The following WNT2B variants were observed in gnomAD, a reference collection of about 807,000 sequenced individuals.
The protein encoded by WNT2B is protein Wnt-2b.
A neutral mutation model predicts 40.5 loss-of-function variants in WNT2B; 19 were observed. That is an observed-to-expected ratio of 0.47 (90% CI 0.33 to 0.69). The LOEUF is 0.69. Among genes scored for constraint, WNT2B ranks in the 30% least tolerant of loss-of-function variants. WNT2B has a pLI of 0.02. For synonymous variants in WNT2B, 220 were observed against 211.9 expected (o/e 1.04, Z -0.33); for missense variants, 467 against 556.4 (o/e 0.84, Z 1.62).
intron 1 of WNT2B, among the ~76,000 whole-genome samples, chr1:112,493,022 G>A (rs982085118): frequency 1.3e-5 from 2 of 152,154 alleles, no homozygotes; most frequent in African/African-American, 4.8e-5. Context: ...ATGCAAAGAA[G>A]ACAGTTTGAA....
At position 112,516,174 on chromosome 1, in the gene WNT2B, A is replaced by G; in HGVS notation, c.438A>G (p.Ser146=). ...SREAAFVYAI[S]SAGVVHAITR... is the part of the protein sequence containing the mutation. Reference sequence around the variant, plus strand: ...AGGCAGCTTTTGTATATGCCATCTCATCAGCAGGGGTAGTCCACGCTATTA... The same window carrying G: ...AGGCAGCTTTTGTATATGCCATCTCGTCAGCAGGGGTAGTCCACGCTATTA... The change falls in exon 3 of 5, where the codon TCA becomes TCG. Residue 146 remains serine, a synonymous_variant. Transcript: ENST00000369684. 1.9e-6 allele frequency: 3 copies of G among 1,613,910 alleles called. No homozygotes were observed. The highest frequency in any genetic ancestry group is 2.5e-6 in the Non-Finnish European group (3 of 1,179,904).
At chr1:112,497,147 C>T (rs571527698) in intron 1 of WNT2B, among the ~76,000 whole-genome samples, 33 of 152,278 alleles carry the variant, frequency 2.2e-4, no homozygotes, top group South Asian at 1.5e-3. Flanking sequence ...GAATAGGGTA[C>T]CTGTGGCTTT....
intron 1 of WNT2B, among the ~76,000 whole-genome samples, chr1:112,499,833 T>C (rs1313666228): frequency 6.6e-6 from 1 of 152,238 alleles, no homozygotes; most frequent in Non-Finnish European, 1.5e-5. Flanking sequence ...TATTGTTCAC[T>C]ATTCTAGGAG....
intron 1 of WNT2B, among the ~76,000 whole-genome samples, chr1:112,513,180 G>A (rs114360706): frequency 1.4e-3 from 209 of 152,210 alleles, no homozygotes; most frequent in African/African-American, 4.8e-3. Context: ...AACTAGGGAA[G>A]CTGAACGGTG....
chr1:112,505,424 G>A (rs113657822), upstream of WNT2B, among the ~76,000 whole-genome samples: 105 of 152,252 alleles, frequency 6.9e-4, 1 homozygote, highest in Non-Finnish European at 1.4e-3. Context: ...CAGGTGCTCA[G>A]TAAGTGCTGA....
chr1:112,520,252 T>TTC, intron 4 of WNT2B, 28 bp from the exon 5 acceptor site: 1 of 1,599,282 alleles, frequency 6.3e-7, no homozygotes, highest in East Asian at 2.2e-5. Flanking sequence ...GATAACTTTG[T>TTC]TCTCACTCCC....
upstream of WNT2B, chr1:112,508,732 G>T (rs1652213262): frequency 2.0e-6 from 2 of 986,078 alleles, no homozygotes; most frequent in Non-Finnish European, 2.4e-6. This position sits in a 1 kb window ranked among gnomAD's most constrained non-coding sequence, Gnocchi z 4.2. Context: ...GGGACTGGGC[G>T]CTTGGGGCGC....
chr1:112,502,207 G>A (rs1172100698), intron 1 of WNT2B, among the ~76,000 whole-genome samples: 1 of 152,212 alleles, frequency 6.6e-6, no homozygotes, highest in African/African-American at 2.4e-5. Flanking sequence ...GGCGGACGCC[G>A]GGAGGAGCCA....
At chr1:112,482,081 G>A (rs576557451) in intron 1 of WNT2B, among the ~76,000 whole-genome samples, 2 of 151,800 alleles carry the variant, frequency 1.3e-5, no homozygotes, top group South Asian at 4.2e-4. Flanking sequence ...GGGAGGCAGA[G>A]GTTGCAGTGA....
In WNT2B at chr1:112,484,111, A is replaced by G. The variant is rs1651321746; in HGVS notation, c.-95+16520A>G. On this transcript the variant is annotated intron_variant, in intron 1 of 4. Transcript: ENST00000256640. The stretch of plus-strand genomic sequence containing the variant: ...CTTTGTCTCCAAAAATTATATATAT[A>G]TAATTTTATATAATAATTTTAACAA... 2.1e-5 allele frequency among the ~76,000 whole-genome samples: 3 copies of G among 141,476 alleles called. No individual in the cohort carries two copies. In the South Asian group the frequency reaches 6.9e-4, roughly 33 times the overall value. The allele number at this position is 141,476 out of a possible 152,430, so 92.8% of individuals were successfully genotyped here.
In WNT2B at chr1:112,516,153, A is replaced by G; in HGVS notation, c.417A>G (p.Ala139=). The change falls in exon 3 of 5, where the codon GCA becomes GCG. Residue 139 remains alanine (A), a synonymous_variant. Coordinates refer to ENST00000369684, the MANE Select transcript of WNT2B (RefSeq NM_024494.3). ...GRVMLRSSRE[A]AFVYAISSAG... Reference sequence around the variant, plus strand: ...TTCTCTCTCTAGGTAGCCGAGAGGCAGCTTTTGTATATGCCATCTCATCAG... The same window carrying G: ...TTCTCTCTCTAGGTAGCCGAGAGGCGGCTTTTGTATATGCCATCTCATCAG... 1 of 1,611,720 alleles carries G rather than the reference A, an allele frequency of 6.2e-7. No homozygotes were observed. Among genetic ancestry groups the G allele is most frequent in the Non-Finnish European group, 8.5e-7 (1 of 1,178,122 alleles).
At chr1:112,479,484 G>C (rs1222945552) in intron 1 of WNT2B, among the ~76,000 whole-genome samples, 1 of 151,710 alleles carries the variant, frequency 6.6e-6, no homozygotes, top group Non-Finnish European at 1.5e-5. Context: ...TGAGGCAGGA[G>C]AATCGCTGGA....
Position 112,529,993 on chromosome 1 carries a change from C to T in WNT2B, c.*9484C>T, listed in dbSNP as rs1317152354. ...TACCAATATGCTACAAATCAGACCT[C>T]TGAATTAGAAGATGCCATCATGCAA... On this transcript the variant is annotated 3_prime_UTR_variant, in exon 5 of 5. Coordinates refer to ENST00000369684, the MANE Select transcript of WNT2B (RefSeq NM_024494.3). 6.6e-6 allele frequency: 1 copy of T among 152,146 alleles called. No individual in the cohort carries two copies. Among genetic ancestry groups the T allele is most frequent in the Non-Finnish European group, 1.5e-5 (1 of 68,036 alleles). 9.4% of individuals were successfully genotyped at this position (152,146 alleles called of 1,614,324 possible).
chr1:112,491,264 TG>T (rs1484247097), intron 1 of WNT2B, among the ~76,000 whole-genome samples: 2 of 151,966 alleles, frequency 1.3e-5, no homozygotes, highest in East Asian at 3.9e-4. Context: ...AAAAATTAGC[TG>T]GGCGTGGTGG....
chr1:112,511,192 A>G (rs1652336417), intron 1 of WNT2B, among the ~76,000 whole-genome samples: 1 of 141,380 alleles, frequency 7.1e-6, no homozygotes, highest in Non-Finnish European at 1.6e-5. Context: ...CCCTCCCCTG[A>G]TGTGGTTCAT....
At chr1:112,495,448 G>A (rs1399185326) in intron 1 of WNT2B, among the ~76,000 whole-genome samples, 1 of 152,142 alleles carries the variant, frequency 6.6e-6, no homozygotes, top group Non-Finnish European at 1.5e-5. Flanking sequence ...AATTAGCTGG[G>A]CATGGTGGCG....
intron 1 of WNT2B, among the ~76,000 whole-genome samples, chr1:112,473,515 G>A (rs1156761058): frequency 6.6e-6 from 1 of 151,654 alleles, no homozygotes; most frequent in African/African-American, 2.4e-5. Flanking sequence ...TAAATATGAA[G>A]AAATATTAAT....
rs1281816087 is a variant in WNT2B, at chr1:112,474,034, C to T, written c.-95+6443C>T. Among the ~76,000 whole-genome samples the T allele has an allele frequency of 7.9e-5, 11 of 139,068 alleles. No homozygotes were observed. In the South Asian group the frequency reaches 1.9e-3, roughly 24 times the overall value. The allele number at this position is 139,068 out of a possible 152,430, so 91.2% of individuals were successfully genotyped here. ...GAGCCAAGATAGGGCCACTGCACTC[C>T]GGCCTGGGTGACAGAGAGAGACTCT... On this transcript the variant is annotated intron_variant, in intron 1 of 4. Coordinates refer to the WNT2B transcript ENST00000256640.
At position 112,509,340 on chromosome 1, in the gene WNT2B, G is replaced by A. The variant is rs377064373; in HGVS notation, c.78G>A (p.Ser26=). 57 of 1,591,120 alleles carry A rather than the reference G, an allele frequency of 3.6e-5. No individual in the cohort carries two copies. The African/African-American group carries it at 7.2e-4, about 20-fold the overall frequency. The part of the protein sequence containing the change: ...RRASAPVPVP[S]PAAPDGSRAS... ...CCAGCGCCCCGGTCCCTGTGCCGTC[G>A]CCCGCGGCCCCCGACGGCTCCCGGG... The change falls in exon 1 of 5, where the codon TCG becomes TCA. Residue 26 remains serine, a synonymous_variant. Transcript: ENST00000369684. This position sits in a 1 kb window ranked among gnomAD's most constrained non-coding sequence, Gnocchi z 4.2.
Sources: gnomAD v4.1 joint callset for allele counts (sites outside exome capture counted in the v4.1 genomes callset) on GRCh38, gnomAD v4.1.1 for gene constraint, Gnocchi (gnomAD v3.1) non-coding constraint, MANE v1.5 for transcripts, NCBI Gene and HGNC (gene_info 2026-07-23, HGNC 2026-07-21) for gene names.